The following ERBB4 variants were observed in gnomAD, a reference collection of about 807,000 sequenced individuals.
The protein encoded by ERBB4 is receptor tyrosine-protein kinase erbB-4.
ERBB4 carries 42 observed loss-of-function variants against 158.0 expected under a neutral mutation model. The ratio of observed to expected loss-of-function variants is 0.27; its 90% confidence interval spans 0.21 to 0.34. The LOEUF (loss-of-function observed/expected upper bound fraction) is 0.34, where lower values mean the gene tolerates loss of function less well. ERBB4 is among the 10% of genes least tolerant of loss of function. The probability of loss-of-function intolerance (pLI) is 1.00; values close to 1 mark genes in which losing one functional copy is unlikely to be tolerated. For missense variants in ERBB4, 1,333 were observed against 1,624.1 expected (o/e 0.82, Z 3.08); for synonymous variants, 583 against 558.7 (o/e 1.04, Z -0.61).
At chr2:211,831,849 G>T (rs2077227027) in intron 3 of ERBB4, among the ~76,000 whole-genome samples, 1 of 152,034 alleles carries the variant, frequency 6.6e-6, no homozygotes, top group Non-Finnish European at 1.5e-5. Context: ...GTTGCAGTGA[G>T]CCGAGGTCGC....
intron 1 of ERBB4, among the ~76,000 whole-genome samples, chr2:212,285,568 T>A (rs367997168): frequency 3.9e-5 from 6 of 152,026 alleles, no homozygotes; most frequent in African/African-American, 1.4e-4. Context: ...GGAATGAAAA[T>A]ATATATGGTC....
At chr2:212,389,418 A>G (rs1206457825) in intron 1 of ERBB4, among the ~76,000 whole-genome samples, 2 of 152,068 alleles carry the variant, frequency 1.3e-5, no homozygotes, top group African/African-American at 2.4e-5. Flanking sequence ...GCCTGAAAAT[A>G]TGATATCAAA....
chr2:212,286,767 A>ATTTTTTTTTTTTTTT (rs748586400), intron 1 of ERBB4, among the ~76,000 whole-genome samples: 1,216 of 39,550 alleles, frequency 0.031, 357 homozygotes, highest in African/African-American at 0.074. Context: ...ATGAGGGTTA[A>ATTTTTTTTTTTTTTT]TTTTTTTTTT....
intron 3 of ERBB4, among the ~76,000 whole-genome samples, chr2:211,809,873 G>T (rs142775397): frequency 0.04 from 6,038 of 152,212 alleles, 171 homozygotes; most frequent in African/African-American, 0.074. Flanking sequence ...GTGTCCCAGA[G>T]ATTCTGGTAC....
chr2:211,544,506 G>A (rs768708290), intron 20 of ERBB4, among the ~76,000 whole-genome samples: 32 of 151,966 alleles, frequency 2.1e-4, no homozygotes, highest in Non-Finnish European at 4.1e-4. Flanking sequence ...GCAGAATCAT[G>A]CCTCCATGCT....
rs139913666 is a variant in ERBB4 at position 212,482,593 on chromosome 2, T to C, written c.82+55856A>G. Reference sequence around the variant, plus strand: ...CAAGATACTTGTAGTTAGAAGGAAGTAAAATATTTAACTCAACTTCTTTGT... The same window carrying C: ...CAAGATACTTGTAGTTAGAAGGAAGCAAAATATTTAACTCAACTTCTTTGT... On this transcript the variant is annotated intron_variant, in intron 1 of 27. Transcript: ENST00000342788. Among the ~76,000 whole-genome samples the C allele has an allele frequency of 2.3e-3, 357 of 152,240 alleles. 2 individuals carry two copies. The highest frequency in any genetic ancestry group is 6.8e-3 in the Middle Eastern group (2 of 294).
At chr2:211,421,341 G>A (rs1433632586) in intron 24 of ERBB4, among the ~76,000 whole-genome samples, 6 of 151,852 alleles carry the variant, frequency 4.0e-5, no homozygotes, top group Non-Finnish European at 8.8e-5. Context: ...TTGCTTTACT[G>A]AGGAAACATA....
At chr2:211,701,756 CAAAAAAAAAAAAAAAA>C (rs71409856) in intron 12 of ERBB4, among the ~76,000 whole-genome samples, 195 bp downstream of exon 12, 3 of 66,646 alleles carry the variant, frequency 4.5e-5, no homozygotes, top group Non-Finnish European at 6.2e-5. Context: ...GACTCCGTCT[CAAAAAAAAAAAAAAAA>C]AAAAAAAAAA....
chr2:211,461,898 A>C (rs1324659097), intron 20 of ERBB4, among the ~76,000 whole-genome samples: 3 of 152,116 alleles, frequency 2.0e-5, no homozygotes, highest in African/African-American at 7.2e-5. Flanking sequence ...TAAAAAAAAA[A>C]ACAATAAAAC....
chr2:211,629,218 G>A (rs1374061851), intron 17 of ERBB4, among the ~76,000 whole-genome samples: 1 of 152,098 alleles, frequency 6.6e-6, no homozygotes, highest in Non-Finnish European at 1.5e-5. Context: ...CAAAATCAAT[G>A]TGCAAAAATC....
chr2:211,390,542 C>T (rs1396198048), intron 25 of ERBB4, among the ~76,000 whole-genome samples: 1 of 152,176 alleles, frequency 6.6e-6, no homozygotes, highest in Admixed American at 6.5e-5. Context: ...CGTAAACAAT[C>T]AAAGGAACAA....
chr2:212,071,921 C>T (rs2078132584), intron 2 of ERBB4, among the ~76,000 whole-genome samples: 1 of 151,884 alleles, frequency 6.6e-6, no homozygotes, highest in Non-Finnish European at 1.5e-5. Flanking sequence ...TTGACAGTTG[C>T]TTTTTATCAA....
rs559291476 is a variant in ERBB4 at position 211,708,521 on chromosome 2, T to C, written c.1125-3130A>G. Among the ~76,000 whole-genome samples, 26 of 152,214 alleles carry C rather than the reference T, an allele frequency of 1.7e-4. No individual in the cohort carries two copies. The South Asian group carries it at 5.4e-3, about 32-fold the overall frequency. Reference sequence around the variant, plus strand: ...TTGCACAACATGCTGTGCTATAAACTAGACATAGGCACTGTGATTTTTCCT... The same window carrying C: ...TTGCACAACATGCTGTGCTATAAACCAGACATAGGCACTGTGATTTTTCCT... On this transcript the variant is annotated intron_variant, in intron 9 of 27. Transcript: ENST00000342788.
At chr2:212,519,006 T>C (rs113576090) in intron 1 of ERBB4, among the ~76,000 whole-genome samples, 1,750 of 150,922 alleles carry the variant, frequency 0.012, 15 homozygotes, top group Middle Eastern at 0.041. Flanking sequence ...AAATGTTATA[T>C]GGGACTATTA....
intron 1 of ERBB4, among the ~76,000 whole-genome samples, chr2:212,439,486 C>G (rs1434807212): frequency 6.7e-6 from 1 of 149,528 alleles, no homozygotes; most frequent in East Asian, 2.0e-4. Context: ...CTAGGATATA[C>G]CTTTCTCCCC....
chr2:211,513,133 T>TA (rs200436403), intron 20 of ERBB4, among the ~76,000 whole-genome samples: 49 of 147,624 alleles, frequency 3.3e-4, no homozygotes, highest in South Asian at 2.8e-3. Context: ...AAGCCCTGTT[T>TA]AAAAAAAAAA....
chr2:211,485,885 G>T (rs903296640), intron 20 of ERBB4, among the ~76,000 whole-genome samples: 3 of 151,744 alleles, frequency 2.0e-5, no homozygotes, highest in African/African-American at 7.3e-5. Flanking sequence ...GAAATAAAAG[G>T]CATTACAGAA....
chr2:211,536,707 A>T (rs2066664458), intron 20 of ERBB4, among the ~76,000 whole-genome samples: 1 of 152,070 alleles, frequency 6.6e-6, no homozygotes, highest in South Asian at 2.1e-4. Flanking sequence ...GAAGAATGGG[A>T]GTCAGAAATA....
chr2:211,491,698 A>G (rs1232252879), intron 20 of ERBB4, among the ~76,000 whole-genome samples: 1 of 152,040 alleles, frequency 6.6e-6, no homozygotes, highest in Non-Finnish European at 1.5e-5. Context: ...AGCCTTTAGA[A>G]AGTAAACTGA....
Sources: gnomAD v4.1 joint callset for allele counts (sites outside exome capture counted in the v4.1 genomes callset) on GRCh38, gnomAD v4.1.1 for gene constraint, MANE v1.5 for transcripts, NCBI Gene and HGNC (gene_info 2026-07-23, HGNC 2026-07-21) for gene names.